Variants in UBXN4 observed in about 807,000 individuals in gnomAD.
The protein encoded by UBXN4 is UBX domain-containing protein 4.
In UBXN4, 35 loss-of-function variants were observed where a neutral mutation model predicts 66.2. That is an observed-to-expected ratio of 0.53 (90% CI 0.40 to 0.70). The LOEUF (loss-of-function observed/expected upper bound fraction) is 0.70, where lower values mean the gene tolerates loss of function less well. UBXN4 is among the 30% of genes least tolerant of loss of function. The pLI is 0.00. For synonymous variants in UBXN4, 203 were observed against 204.5 expected, an observed-to-expected ratio of 0.99 and a Z score of 0.06; for missense variants, 533 against 599.8, an observed-to-expected ratio of 0.89 and a Z score of 1.16.
intron 6 of UBXN4, among the ~76,000 whole-genome samples, chr2:135,763,619 A>T (rs1397676469): frequency 1.3e-5 from 2 of 150,092 alleles, no homozygotes; most frequent in African/African-American, 4.9e-5. Flanking sequence ...GAGCCCAGAA[A>T]ATAGAGACCA....
At chr2:135,746,569 G>T (rs1170121644) in intron 1 of UBXN4, among the ~76,000 whole-genome samples, 1 of 152,156 alleles carries the variant, frequency 6.6e-6, no homozygotes, top group Non-Finnish European at 1.5e-5. Flanking sequence ...TAAAGTGGGT[G>T]ATTAAGTATC....
chr2:135,767,157 T>TC (rs1247657847), intron 6 of UBXN4, among the ~76,000 whole-genome samples: 2 of 152,148 alleles, frequency 1.3e-5, no homozygotes, highest in Non-Finnish European at 2.9e-5. Context: ...GGTCAGGAGT[T>TC]CAAGACCAGC....
chr2:135,779,752 A>G (rs2077437993), intron 11 of UBXN4, among the ~76,000 whole-genome samples: 1 of 150,536 alleles, frequency 6.6e-6, no homozygotes, highest in Non-Finnish European at 1.5e-5. Flanking sequence ...TAGTTTGTAT[A>G]TTACAATTTC....
At chr2:135,772,623 T>C in intron 9 of UBXN4, 76 bp downstream of exon 9, 1 of 1,568,480 alleles carries the variant, frequency 6.4e-7, no homozygotes, top group Non-Finnish European at 8.7e-7. Context: ...TTTTTAACAC[T>C]GATGTATACT....
chr2:135,776,355 A>G lies in UBXN4; in HGVS notation c.1053+4A>G. Reference sequence around the variant, plus strand: ...GGCAAGGCAGTTTGCTGCACAGGTAAATTTATGTCTTGAGTTGTAGTAAAA... The same window carrying G: ...GGCAAGGCAGTTTGCTGCACAGGTAGATTTATGTCTTGAGTTGTAGTAAAA... On this transcript the variant is annotated splice_donor_region_variant and intron_variant, in intron 10 of 12. Transcript: ENST00000272638. The G allele has an allele frequency of 6.2e-7, 1 of 1,607,316 alleles. No homozygotes were observed. Among genetic ancestry groups the G allele is most frequent in the Non-Finnish European group, 8.5e-7 (1 of 1,176,150 alleles).
chr2:135,757,697 A>G (rs1050039187), intron 5 of UBXN4, among the ~76,000 whole-genome samples: 6 of 152,126 alleles, frequency 3.9e-5, no homozygotes, highest in African/African-American at 1.2e-4. Flanking sequence ...TTAGTAGACA[A>G]TTAACTTGGC....
chr2:135,778,152 G>A (rs1345381263), intron 10 of UBXN4, among the ~76,000 whole-genome samples: 3 of 148,794 alleles, frequency 2.0e-5, no homozygotes, highest in Non-Finnish European at 4.4e-5. Flanking sequence ...ACTCCAGCCT[G>A]GGCGACAGAG....
chr2:135,778,861 A>G (rs558082626), intron 10 of UBXN4, 87 bp from the exon 11 acceptor site: 360 of 1,336,802 alleles, frequency 2.7e-4, no homozygotes, highest in African/African-American at 9.4e-4. Flanking sequence ...AATTAAGGCA[A>G]TGTTAATTAA....
At position 135,783,887 on chromosome 2, in the gene UBXN4, A is replaced by G. The variant is rs530572730; in HGVS notation, c.*1000A>G. The G allele has an allele frequency of 5.3e-5, 8 of 152,286 alleles. No homozygotes were observed. The highest frequency in any genetic ancestry group is 2.1e-4 in the South Asian group (1 of 4,824). The allele number at this position is 152,286 out of a possible 1,614,324, so 9.4% of individuals were successfully genotyped here. On this transcript the variant is annotated 3_prime_UTR_variant, in exon 13 of 13. Transcript: ENST00000272638. ...TATCCGTATGTCTTTGTTAGTGGAG[A>G]CCGCTAAACTAATGATGTTTGAAAA...
At chr2:135,746,052 A>G (rs1007359976) in intron 1 of UBXN4, among the ~76,000 whole-genome samples, 2 of 151,290 alleles carry the variant, frequency 1.3e-5, no homozygotes, top group Non-Finnish European at 3.0e-5. Flanking sequence ...TAATTTTTGT[A>G]TTTTTAGTAG....
intron 2 of UBXN4, among the ~76,000 whole-genome samples, chr2:135,752,416 G>A (rs756933702): frequency 1.1e-4 from 16 of 151,766 alleles, no homozygotes; most frequent in African/African-American, 3.4e-4. Flanking sequence ...TCCTGACCTC[G>A]TGTCCACCTG....
chr2:135,747,987 T>A, intron 1 of UBXN4: 1 of 335,296 alleles, frequency 3.0e-6, no homozygotes, highest in Non-Finnish European at 5.6e-6. Flanking sequence ...GATGACTGCT[T>A]ATTATTGTGG....
intron 5 of UBXN4, among the ~76,000 whole-genome samples, chr2:135,758,046 C>A (rs1295473458): frequency 6.6e-6 from 1 of 151,116 alleles, no homozygotes; most frequent in Non-Finnish European, 1.5e-5. Flanking sequence ...GTAGCTAGGA[C>A]TACAGGTGTG....
At chr2:135,772,890 A>G (rs1466752893) in intron 9 of UBXN4, among the ~76,000 whole-genome samples, 1 of 152,148 alleles carries the variant, frequency 6.6e-6, no homozygotes, top group Non-Finnish European at 1.5e-5. Context: ...TACAAAAATT[A>G]GCTGGGCATG....
At chr2:135,774,149 A>T (rs2077398840) in intron 9 of UBXN4, among the ~76,000 whole-genome samples, 1 of 152,254 alleles carries the variant, frequency 6.6e-6, no homozygotes, top group Admixed American at 6.5e-5. Flanking sequence ...ATGTAATGGT[A>T]TAAGATGAAC....
chr2:135,784,371 G>C lies in UBXN4; in HGVS notation c.*1484G>C, dbSNP rs1024690734. 6 of 152,112 alleles carry C rather than the reference G, an allele frequency of 3.9e-5. No homozygotes were observed. Among genetic ancestry groups the C allele is most frequent in the Non-Finnish European group, 8.8e-5 (6 of 68,010 alleles). 9.4% of individuals were successfully genotyped at this position (152,112 alleles called of 1,614,324 possible). On this transcript the variant is annotated 3_prime_UTR_variant, in exon 13 of 13. Coordinates refer to ENST00000272638, the MANE Select transcript of UBXN4 (RefSeq NM_014607.4). ...TTACTGAGCATCTGTTAAGTGTTGGGGGAAAAAGCAGCAGGATCCAGAGCT... is the reference window on the plus strand; with the variant it reads ...TTACTGAGCATCTGTTAAGTGTTGGCGGAAAAAGCAGCAGGATCCAGAGCT...
chr2:135,759,453 C>G lies in UBXN4; in HGVS notation c.509-2365C>G, dbSNP rs2077298714. On this transcript the variant is annotated intron_variant, in intron 5 of 12. Coordinates refer to ENST00000272638, the MANE Select transcript of UBXN4 (RefSeq NM_014607.4). ...TAAATTTAATATATAGATTTCTGCT[C>G]TCCCTGGTAGTTTTTCCTATAGTTT... Among the ~76,000 whole-genome samples the G allele has an allele frequency of 1.3e-5, 2 of 152,042 alleles. 1 individual carries two copies. The highest frequency in any genetic ancestry group is 4.1e-4 in the South Asian group (2 of 4,826).
At chr2:135,776,218 A>C in intron 9 of UBXN4, 31 bp from the exon 10 acceptor site, 2 of 1,552,426 alleles carry the variant, frequency 1.3e-6, no homozygotes, top group South Asian at 2.2e-5. Context: ...ATAGAGGTGA[A>C]GATTGTGACT....
In UBXN4 at chr2:135,762,013, T is replaced by G. The variant is rs2077319158; in HGVS notation, c.602+102T>G. On this transcript the variant is annotated intron_variant, in intron 6 of 12. Coordinates refer to ENST00000272638, the MANE Select transcript of UBXN4 (RefSeq NM_014607.4). ...AGCTAAAGTTATACAAATGAAGTTT[T>G]AGAATTCTGAGTTGAAATTTTTGAT... The G allele has an allele frequency of 4.0e-6, 5 of 1,247,682 alleles. No individual in the cohort carries two copies. In the East Asian group the frequency reaches 7.7e-5, roughly 19 times the overall value. 77.3% of individuals were successfully genotyped at this position (1,247,682 alleles called of 1,614,324 possible).
Sources: gnomAD v4.1 joint callset for allele counts (sites outside exome capture counted in the v4.1 genomes callset) on GRCh38, gnomAD v4.1.1 for gene constraint, MANE v1.5 for transcripts, NCBI Gene and HGNC (gene_info 2026-07-23, HGNC 2026-07-21) for gene names.